RABEPK: variants seen among roughly 807,000 people sequenced by gnomAD.
The protein encoded by RABEPK is 40 kDa Rab9 effector protein.
Under a neutral mutation model 34.1 loss-of-function variants are expected in RABEPK, and 27 were observed. That is an observed-to-expected ratio of 0.79 (90% CI 0.58 to 1.09). The LOEUF is 1.09. Ranked by LOEUF, RABEPK falls within the 50% of genes least tolerant of loss-of-function variation. The pLI, the probability that RABEPK is intolerant of heterozygous loss-of-function variation, is 0.00. For missense variants in RABEPK, 449 were observed against 462.6 expected (o/e 0.97, Z 0.27); for synonymous variants, 172 against 169.2 (o/e 1.02, Z -0.13).
intron 3 of RABEPK, among the ~76,000 whole-genome samples, chr9:125,212,998 C>T (rs1830687257): frequency 6.6e-6 from 1 of 152,150 alleles, no homozygotes; most frequent in Admixed American, 6.6e-5. Context: ...AATTCAAGGA[C>T]AGGAAGTAGA....
chr9:125,228,200 ATCC>A, intron 6 of RABEPK, 141 bp downstream of exon 6: 5 of 649,742 alleles, frequency 7.7e-6, no homozygotes, highest in African/African-American at 1.9e-5. Flanking sequence ...GACTCAAGTA[ATCC>A]TCCTACCTCA....
chr9:125,225,969 AAAAAAG>A (rs912554130), intron 5 of RABEPK, among the ~76,000 whole-genome samples: 10 of 150,828 alleles, frequency 6.6e-5, no homozygotes, highest in Non-Finnish European at 8.8e-5. Context: ...TTTCAAAAAA[AAAAAAG>A]AAAAAGAAAA....
intron 3 of RABEPK, among the ~76,000 whole-genome samples, chr9:125,210,103 G>A (rs775431777): frequency 3.3e-5 from 5 of 152,040 alleles, no homozygotes; most frequent in Non-Finnish European, 5.9e-5. Context: ...GAATGAACCT[G>A]CTAATAAGAA....
intron 5 of RABEPK, among the ~76,000 whole-genome samples, chr9:125,222,802 C>A (rs1450570443): frequency 6.6e-6 from 1 of 151,068 alleles, no homozygotes; most frequent in East Asian, 1.9e-4. Flanking sequence ...TTGTTCCATG[C>A]AATCAGAAAG....
At chr9:125,205,040 C>G (rs1001885239) in intron 2 of RABEPK, among the ~76,000 whole-genome samples, 2 of 151,868 alleles carry the variant, frequency 1.3e-5, no homozygotes, top group Non-Finnish European at 2.9e-5. Flanking sequence ...CCAGGCTGGT[C>G]TCAAACTCCT....
chr9:125,207,618 T>G lies in RABEPK; in HGVS notation c.108T>G (p.Cys36Trp). 1 of 1,614,152 alleles carries G rather than the reference T, an allele frequency of 6.2e-7. No individual in the cohort carries two copies. Among genetic ancestry groups the G allele is most frequent in the South Asian group, 1.1e-5 (1 of 91,084 alleles). Residue 36 changes from cysteine (C) to tryptophan (W), a missense_variant, in exon 3 of 8, where the codon TGT (cysteine) becomes TGG (tryptophan). Transcript: ENST00000373538. ...CCTGTGCTCGAGTTGGCCACAGCTGTTCATATTTACCCCCAGTTGGTAATG... is the reference window on the plus strand; with the variant it reads ...CCTGTGCTCGAGTTGGCCACAGCTGGTCATATTTACCCCCAGTTGGTAATG... ...DSPCARVGHS[C>W]SYLPPVGNAK...
intron 2 of RABEPK, among the ~76,000 whole-genome samples, chr9:125,205,312 G>A (rs1200403349): frequency 6.6e-6 from 1 of 152,186 alleles, no homozygotes; most frequent in Non-Finnish European, 1.5e-5. Flanking sequence ...TTGTGAAACT[G>A]TTGAATGTTT....
At chr9:125,214,275 C>T (rs955746883) in intron 4 of RABEPK, among the ~76,000 whole-genome samples, 15 of 152,080 alleles carry the variant, frequency 9.9e-5, no homozygotes, top group African/African-American at 3.6e-4. Context: ...TATCTGGAAA[C>T]ATTTTGGGTT....
At chr9:125,204,228 G>A (rs1830080466) in intron 2 of RABEPK, among the ~76,000 whole-genome samples, 1 of 151,842 alleles carries the variant, frequency 6.6e-6, no homozygotes, top group Non-Finnish European at 1.5e-5. Flanking sequence ...CAGCTACTCT[G>A]GAGGCTGAGG....
intron 3 of RABEPK, among the ~76,000 whole-genome samples, chr9:125,212,364 C>T (rs917309827): frequency 2.0e-5 from 3 of 152,132 alleles, no homozygotes; most frequent in East Asian, 1.9e-4. Context: ...GGACTACAGG[C>T]GCCTGCCATC....
chr9:125,232,370 C>T (rs1003324091), intron 6 of RABEPK, among the ~76,000 whole-genome samples: 1 of 152,188 alleles, frequency 6.6e-6, no homozygotes, highest in Non-Finnish European at 1.5e-5. Context: ...CTGCCTACAT[C>T]AGAATCGCCT....
chr9:125,218,733 T>TTCTC (rs975344520), intron 4 of RABEPK, among the ~76,000 whole-genome samples: 1 of 151,476 alleles, frequency 6.6e-6, no homozygotes, highest in African/African-American at 2.4e-5. Context: ...CTCTCTCTCT[T>TTCTC]TCTCTCTCTC....
chr9:125,200,546 T>G lies in RABEPK; in HGVS notation c.-367T>G. On this transcript the variant is annotated 5_prime_UTR_variant, in exon 1 of 8. Transcript: ENST00000373538. ...TAAGCCCCGCCCCTCCGGGGTGGAG[T>G]CACGGCTCGCGACTGGCCTAAGTCG... The G allele has an allele frequency of 2.7e-6, 1 of 373,342 alleles. No homozygotes were observed. Among genetic ancestry groups the G allele is most frequent in the Non-Finnish European group, 5.5e-6 (1 of 180,510 alleles). 23.1% of individuals were successfully genotyped at this position (373,342 alleles called of 1,614,324 possible).
chr9:125,201,086 G>C (rs949535661), intron 1 of RABEPK, among the ~76,000 whole-genome samples, 180 bp downstream of exon 1: 2 of 152,208 alleles, frequency 1.3e-5, no homozygotes, highest in African/African-American at 4.8e-5. Context: ...GCCTTAAATA[G>C]ATAAACATTC....
At chr9:125,226,813 G>A (rs1310472101) in intron 5 of RABEPK, among the ~76,000 whole-genome samples, 1 of 151,882 alleles carries the variant, frequency 6.6e-6, no homozygotes, top group East Asian at 1.9e-4. Flanking sequence ...ACAGTAAGCC[G>A]AGATTGTGCC....
At chr9:125,212,470 C>T (rs1198822422) in intron 3 of RABEPK, among the ~76,000 whole-genome samples, 2 of 151,610 alleles carry the variant, frequency 1.3e-5, no homozygotes, top group African/African-American at 2.4e-5. Context: ...CCGCCCACCT[C>T]GGCCTCCCAA....
chr9:125,227,871 T>C, intron 5 of RABEPK, 39 bp from the exon 6 acceptor site: 1 of 1,499,548 alleles, frequency 6.7e-7, no homozygotes. Context: ...TCTTTTTTAA[T>C]AGTTTTGCCA....
chr9:125,230,275 T>C (rs897543055), intron 6 of RABEPK, among the ~76,000 whole-genome samples: 6 of 151,938 alleles, frequency 3.9e-5, no homozygotes, highest in Non-Finnish European at 5.9e-5. Context: ...ATACCTGTTA[T>C]TGAGTGGAGG....
rs775048597 is a variant in RABEPK, at chr9:125,220,709, T to C, written c.526+9T>C. Reference sequence around the variant, plus strand: ...GCATGTGTTTGACGCAAGTATGGACTGGTGGGCACCTTGGGGCTGGTCAGG... The same window carrying C: ...GCATGTGTTTGACGCAAGTATGGACCGGTGGGCACCTTGGGGCTGGTCAGG... On this transcript the variant is annotated intron_variant, in intron 5 of 7. Transcript: ENST00000373538. 2 of 1,613,168 alleles carry C rather than the reference T, an allele frequency of 1.2e-6. No individual in the cohort carries two copies. The highest frequency in any genetic ancestry group is 1.7e-6 in the Non-Finnish European group (2 of 1,179,536).
Sources: allele counts gnomAD v4.1 joint callset (sites outside exome capture counted in the v4.1 genomes callset), GRCh38; gene constraint gnomAD v4.1.1; transcripts MANE v1.5; gene names NCBI Gene and HGNC (gene_info 2026-07-23, HGNC 2026-07-21).